Variants in CDH4 observed in about 807,000 individuals in gnomAD.
CDH4 encodes cadherin-4.
In CDH4, 33 loss-of-function variants were observed where a neutral mutation model predicts 86.0. The observed-to-expected ratio is 0.38, with a 90% CI of 0.29 to 0.51. CDH4 has a LOEUF of 0.51. CDH4 is among the 20% of genes least tolerant of loss of function. The pLI, the probability that CDH4 is intolerant of heterozygous loss-of-function variation, is 0.86. For missense variants in CDH4, 1,114 were observed against 1,307.4 expected (o/e 0.85, Z 2.28); for synonymous variants, 555 against 549.4 (o/e 1.01, Z -0.14).
At chr20:61,850,292 A>T (rs1174758551) in intron 5 of CDH4, among the ~76,000 whole-genome samples, 1 of 152,222 alleles carries the variant, frequency 6.6e-6, no homozygotes, top group Non-Finnish European at 1.5e-5. Context: ...ATTGGAGTTA[A>T]CGTGTGTAGG....
intron 9 of CDH4, 92 bp from the exon 10 acceptor site, chr20:61,923,359 A>G: frequency 8.0e-7 from 1 of 1,249,120 alleles, no homozygotes; most frequent in South Asian, 1.3e-5. Context: ...TGGCTCAGGG[A>G]GGGGTGGAGA....
At chr20:61,567,926 T>C (rs926562239) in intron 2 of CDH4, among the ~76,000 whole-genome samples, 4 of 152,108 alleles carry the variant, frequency 2.6e-5, no homozygotes, top group Non-Finnish European at 4.4e-5. Context: ...TGAGCTATGA[T>C]TGCACCACTG....
intron 4 of CDH4, among the ~76,000 whole-genome samples, chr20:61,828,540 G>T (rs1232227024): frequency 6.6e-6 from 1 of 152,228 alleles, no homozygotes; most frequent in Non-Finnish European, 1.5e-5. Flanking sequence ...ACAATCAGCT[G>T]GTGGCAGTGT....
At chr20:61,323,196 G>T (rs1346146952) in intron 2 of CDH4, among the ~76,000 whole-genome samples, 2 of 152,194 alleles carry the variant, frequency 1.3e-5, no homozygotes, top group Admixed American at 1.3e-4. Flanking sequence ...TTCCCTAGGG[G>T]AGTGTGCACC....
At chr20:61,522,424 G>A (rs1213555182) in intron 2 of CDH4, among the ~76,000 whole-genome samples, 5 of 152,170 alleles carry the variant, frequency 3.3e-5, no homozygotes, top group East Asian at 3.9e-4. Flanking sequence ...GAGGTGCTGC[G>A]CCGTCCCTGA....
chr20:61,280,430 G>A (rs932651862), intron 2 of CDH4, among the ~76,000 whole-genome samples: 15 of 152,294 alleles, frequency 9.8e-5, no homozygotes, highest in African/African-American at 3.4e-4. Flanking sequence ...TGTAGGCCGC[G>A]GCACACACAG....
intron 2 of CDH4, among the ~76,000 whole-genome samples, chr20:61,695,052 G>A (rs2087702123): frequency 6.6e-6 from 1 of 152,206 alleles, no homozygotes; most frequent in Non-Finnish European, 1.5e-5. Flanking sequence ...TATGTGCAAC[G>A]TTTTCACTGC....
At chr20:61,638,609 G>A (rs1370765667) in intron 2 of CDH4, among the ~76,000 whole-genome samples, 1 of 152,134 alleles carries the variant, frequency 6.6e-6, no homozygotes, top group Non-Finnish European at 1.5e-5. Flanking sequence ...TGAAGAACCT[G>A]GTGAAATATA....
chr20:61,398,345 T>G (rs2085030582), intron 2 of CDH4, among the ~76,000 whole-genome samples: 1 of 152,230 alleles, frequency 6.6e-6, no homozygotes, highest in South Asian at 2.1e-4. Flanking sequence ...TTTGCGTCTA[T>G]CACCTCTAAG....
chr20:61,596,255 T>C (rs1263984227), intron 2 of CDH4, among the ~76,000 whole-genome samples: 1 of 152,236 alleles, frequency 6.6e-6, no homozygotes, highest in East Asian at 1.9e-4. Flanking sequence ...ATGTAGCTAT[T>C]GACAGGTGCA....
chr20:61,299,086 C>T (rs2084372532), intron 2 of CDH4, among the ~76,000 whole-genome samples: 1 of 152,030 alleles, frequency 6.6e-6, no homozygotes, highest in South Asian at 2.1e-4. Context: ...AATGGGGGGT[C>T]TTTGTAGATG....
intron 2 of CDH4, among the ~76,000 whole-genome samples, chr20:61,483,271 C>A (rs2085577750): frequency 6.6e-6 from 1 of 152,132 alleles, no homozygotes; most frequent in African/African-American, 2.4e-5. Context: ...AGAGGAGAAT[C>A]CCAGACATAA....
At chr20:61,329,848 C>G (rs568981675) in intron 2 of CDH4, among the ~76,000 whole-genome samples, 13 of 102,468 alleles carry the variant, frequency 1.3e-4, no homozygotes, top group East Asian at 1.2e-3. Context: ...CCCTCCCCCC[C>G]ACCCCATCCC....
intron 2 of CDH4, among the ~76,000 whole-genome samples, chr20:61,319,629 T>C (rs2084497040): frequency 6.6e-6 from 1 of 151,998 alleles, no homozygotes; most frequent in Non-Finnish European, 1.5e-5. Flanking sequence ...ATTCAAGGGA[T>C]ATAAAGTTTC....
intron 2 of CDH4, among the ~76,000 whole-genome samples, chr20:61,400,577 C>T (rs1332423989): frequency 6.6e-6 from 1 of 152,240 alleles, no homozygotes; most frequent in Non-Finnish European, 1.5e-5. Flanking sequence ...GACTCTGCTC[C>T]ATATGGTCAC....
intron 2 of CDH4, among the ~76,000 whole-genome samples, chr20:61,368,567 A>T: frequency 6.6e-6 from 1 of 151,586 alleles, no homozygotes; most frequent in African/African-American, 2.4e-5. Context: ...TTTGAGACAG[A>T]GTCTTACTGT....
intron 2 of CDH4, among the ~76,000 whole-genome samples, chr20:61,571,746 C>G (rs1247829966): frequency 6.6e-6 from 1 of 151,240 alleles, no homozygotes; most frequent in Admixed American, 6.6e-5. Context: ...CCCCTTCTCA[C>G]TCTTTCCCTC....
At position 61,501,205 on chromosome 20, in the gene CDH4, G is replaced by A. The variant is rs6121416; in HGVS notation, c.170-242358G>A. Among the ~76,000 whole-genome samples, 6,512 of 152,208 alleles carry A rather than the reference G, an allele frequency of 0.043. 478 individuals are homozygous for A. The highest frequency in any genetic ancestry group is 0.15 in the African/African-American group (6,233 of 41,506). ...GCTGGGGGAGGTGGCGCTGCCATCCGCCATCTCCAGTCTCCTTATCTGATG... is the reference window on the plus strand; with the variant it reads ...GCTGGGGGAGGTGGCGCTGCCATCCACCATCTCCAGTCTCCTTATCTGATG... On this transcript the variant is annotated intron_variant, in intron 2 of 15. Coordinates refer to ENST00000614565, the MANE Select transcript of CDH4 (RefSeq NM_001794.5). The surrounding 1 kb of genome is among the most constrained non-coding windows in gnomAD (Gnocchi z 4.2).
intron 2 of CDH4, among the ~76,000 whole-genome samples, chr20:61,353,653 CT>C (rs1568810310): frequency 2.6e-3 from 3 of 1,170 alleles, no homozygotes; most frequent in Non-Finnish European, 6.5e-3. Flanking sequence ...CCCCCTCCTC[CT>C]CTTCTTCCTC....
Sources: allele counts gnomAD v4.1 joint callset (sites outside exome capture counted in the v4.1 genomes callset), GRCh38; gene constraint gnomAD v4.1.1; non-coding constraint Gnocchi (gnomAD v3.1); transcripts MANE v1.5; gene names NCBI Gene and HGNC (gene_info 2026-07-23, HGNC 2026-07-21).